WDPCP: variants seen among roughly 807,000 people sequenced by gnomAD.
The protein encoded by WDPCP is WD repeat-containing and planar cell polarity effector protein fritz homolog.
In WDPCP, 71 loss-of-function variants were observed where a neutral mutation model predicts 93.1. The observed-to-expected ratio is 0.76, with a 90% CI of 0.63 to 0.93. WDPCP has a LOEUF of 0.93. Among genes scored for constraint, WDPCP ranks in the 40% least tolerant of loss-of-function variants. The pLI, the probability that WDPCP is intolerant of heterozygous loss-of-function variation, is 0.00. For missense variants in WDPCP, 844 were observed against 887.4 expected, an observed-to-expected ratio of 0.95 and a Z score of 0.62; for synonymous variants, 315 against 315.0, an observed-to-expected ratio of 1.00 and a Z score of 0.00.
At chr2:63,753,400 G>A (rs1020185610) in intron 2 of WDPCP, among the ~76,000 whole-genome samples, 12 of 152,140 alleles carry the variant, frequency 7.9e-5, no homozygotes, top group African/African-American at 2.9e-4. Context: ...TTGCACTCCA[G>A]CCTGGGTGAC....
chr2:63,787,371 G>A lies in WDPCP; in HGVS notation n.308+26251C>T, dbSNP rs10181535. 8.0e-4 allele frequency among the ~76,000 whole-genome samples: 121 copies of A among 152,166 alleles called. No homozygotes were observed. In the Middle Eastern group the frequency reaches 0.01, roughly 13 times the overall value. ...CAAAGTGCGCTTAAGCAAGTAGAGT[G>A]GAAAAATAGACGGAGAAGTTTCTCT... On this transcript the variant is annotated intron_variant and non_coding_transcript_variant, in intron 2 of 4. Transcript: ENST00000467687.
intron 2 of WDPCP, among the ~76,000 whole-genome samples, chr2:63,787,201 T>C (rs1236165674): frequency 1.3e-5 from 2 of 152,168 alleles, no homozygotes; most frequent in African/African-American, 2.4e-5. Flanking sequence ...GTATTAGGAA[T>C]TGGAGGGAAG....
intron 2 of WDPCP, among the ~76,000 whole-genome samples, chr2:63,774,323 A>AT (rs901735322): frequency 6.6e-6 from 1 of 151,894 alleles, no homozygotes; most frequent in Non-Finnish European, 1.5e-5. Context: ...TGCAGATAGA[A>AT]TTTTTTTTGC....
chr2:63,135,429 T>G (rs1315166737), intron 17 of WDPCP, among the ~76,000 whole-genome samples: 3 of 152,154 alleles, frequency 2.0e-5, no homozygotes, highest in Non-Finnish European at 4.4e-5. Context: ...CCTCCCGGAT[T>G]CAAGCGATTC....
intron 3 of WDPCP, chr2:63,594,460 A>C: frequency 6.7e-7 from 1 of 1,482,558 alleles, no homozygotes; most frequent in East Asian, 2.3e-5. Context: ...TAGTACTTAA[A>C]GATGTTAATG....
At chr2:63,218,623 G>A (rs1254711849) in intron 14 of WDPCP, among the ~76,000 whole-genome samples, 4 of 152,028 alleles carry the variant, frequency 2.6e-5, no homozygotes, top group African/African-American at 7.2e-5. Flanking sequence ...TCCGCCTCCC[G>A]GGTTCAAGCG....
chr2:63,459,130 G>T (rs1470986851), intron 6 of WDPCP, among the ~76,000 whole-genome samples: 1 of 151,988 alleles, frequency 6.6e-6, no homozygotes, highest in African/African-American at 2.4e-5. Flanking sequence ...TAGTTCTAGG[G>T]AAAACTCTTC....
At chr2:63,696,070 C>T (rs1464555267) in intron 2 of WDPCP, among the ~76,000 whole-genome samples, 4 of 152,052 alleles carry the variant, frequency 2.6e-5, no homozygotes, top group Non-Finnish European at 2.9e-5. Flanking sequence ...TCTAGAACCC[C>T]ACAGTGGGTA....
chr2:63,188,313 T>A (rs1674786838), intron 14 of WDPCP, among the ~76,000 whole-genome samples: 1 of 152,182 alleles, frequency 6.6e-6, no homozygotes, highest in African/African-American at 2.4e-5. Context: ...GAGACTCCTA[T>A]ACTACATATA....
intron 13 of WDPCP, among the ~76,000 whole-genome samples, chr2:63,282,307 C>A (rs770641874): frequency 6.6e-6 from 1 of 152,144 alleles, no homozygotes; most frequent in Non-Finnish European, 1.5e-5. Context: ...GAGTTCAAGA[C>A]CAGCCTGGCC....
At chr2:63,413,711 T>C (rs1437601141) in intron 9 of WDPCP, among the ~76,000 whole-genome samples, 1 of 152,072 alleles carries the variant, frequency 6.6e-6, no homozygotes, top group African/African-American at 2.4e-5. Context: ...GGCAGGAGAA[T>C]GGTGTGAACC....
intron 6 of WDPCP, among the ~76,000 whole-genome samples, chr2:63,458,683 T>C (rs537056015): frequency 6.6e-6 from 1 of 152,196 alleles, no homozygotes; most frequent in East Asian, 1.9e-4. Flanking sequence ...AATCTACAGA[T>C]TGAATGTAAT....
intron 14 of WDPCP, among the ~76,000 whole-genome samples, chr2:63,185,478 T>C (rs1458444267): frequency 6.6e-6 from 1 of 151,810 alleles, no homozygotes; most frequent in African/African-American, 2.4e-5. Context: ...TCCGGGTGCA[T>C]TCAGTGGCAA....
intron 2 of WDPCP, among the ~76,000 whole-genome samples, chr2:63,732,159 A>C (rs1286593383): frequency 6.6e-6 from 1 of 152,224 alleles, no homozygotes; most frequent in East Asian, 1.9e-4. Context: ...GGGAAATGAA[A>C]AGAGGGTGCT....
At chr2:63,263,316 A>G (rs1272475804) in intron 13 of WDPCP, among the ~76,000 whole-genome samples, 1 of 152,242 alleles carries the variant, frequency 6.6e-6, no homozygotes, top group Non-Finnish European at 1.5e-5. Context: ...TGCCAATGCA[A>G]TGGTATTGGA....
At chr2:63,592,593 G>A (rs1173526328), upstream of WDPCP, among the ~76,000 whole-genome samples, 2 of 152,200 alleles carry the variant, frequency 1.3e-5, no homozygotes, top group South Asian at 2.1e-4. Context: ...TGATCCACCC[G>A]CCTTGTCCCC....
At chr2:63,630,786 C>T (rs1575734363) in intron 3 of WDPCP, among the ~76,000 whole-genome samples, 1 of 152,280 alleles carries the variant, frequency 6.6e-6, no homozygotes, top group Non-Finnish European at 1.5e-5. Flanking sequence ...CTCCAAACAG[C>T]AAAGTATGCA....
chr2:63,462,357 G>A (rs895996623), intron 6 of WDPCP, among the ~76,000 whole-genome samples: 6 of 152,106 alleles, frequency 3.9e-5, no homozygotes, highest in African/African-American at 9.7e-5. Flanking sequence ...TCATGGGGTC[G>A]AGGAGAGGGG....
chr2:63,180,961 C>G (rs1223786630), intron 14 of WDPCP, among the ~76,000 whole-genome samples: 1 of 152,050 alleles, frequency 6.6e-6, no homozygotes, highest in African/African-American at 2.4e-5. Flanking sequence ...GCAGGTTAGA[C>G]ATTTGTATGT....
Sources: allele counts gnomAD v4.1 joint callset (sites outside exome capture counted in the v4.1 genomes callset), GRCh38; gene constraint gnomAD v4.1.1; transcripts MANE v1.5; gene names NCBI Gene and HGNC (gene_info 2026-07-23, HGNC 2026-07-21).